Variants in MRPL1 observed in about 807,000 individuals in gnomAD.
MRPL1 encodes the protein mitochondrial ribosomal protein L1, also known as large ribosomal subunit protein uL1m.
MRPL1 carries 28 observed loss-of-function variants against 38.0 expected under a neutral mutation model. The observed-to-expected ratio is 0.74, with a 90% CI of 0.55 to 1.01. The LOEUF is 1.01. MRPL1 is among the 50% of genes least tolerant of loss of function. The probability of loss-of-function intolerance (pLI) is 0.00; values close to 1 mark genes in which losing one functional copy is unlikely to be tolerated. For synonymous variants in MRPL1, 123 were observed against 126.7 expected (o/e 0.97, Z 0.20); for missense variants, 358 against 389.8 (o/e 0.92, Z 0.69).
At chr4:77,919,853 G>A (rs918369728) in intron 7 of MRPL1, among the ~76,000 whole-genome samples, 1 of 151,650 alleles carries the variant, frequency 6.6e-6, no homozygotes, top group African/African-American at 2.4e-5. Context: ...ATATATATGT[G>A]TGTGTGTGTG....
At chr4:77,917,808 C>T (rs957842291) in intron 7 of MRPL1, among the ~76,000 whole-genome samples, 2 of 152,110 alleles carry the variant, frequency 1.3e-5, no homozygotes, top group Admixed American at 6.6e-5. Context: ...GTGATCCCAG[C>T]ACTTTCGGAA....
intron 7 of MRPL1, among the ~76,000 whole-genome samples, chr4:77,944,189 C>G (rs1199698423): frequency 6.6e-6 from 1 of 152,150 alleles, no homozygotes; most frequent in Non-Finnish European, 1.5e-5. Flanking sequence ...TTACCAGGCT[C>G]CAGGCTGGTA....
At chr4:77,924,944 A>T (rs1736677064) in intron 7 of MRPL1, among the ~76,000 whole-genome samples, 1 of 152,216 alleles carries the variant, frequency 6.6e-6, no homozygotes, top group Non-Finnish European at 1.5e-5. Flanking sequence ...CAGTATCTGC[A>T]TATGTTTTCT....
At chr4:77,945,235 C>T (rs561868941) in intron 7 of MRPL1, among the ~76,000 whole-genome samples, 4 of 151,056 alleles carry the variant, frequency 2.6e-5, no homozygotes, top group Admixed American at 2.6e-4. Flanking sequence ...TTGGTTTAGA[C>T]TGTTAGGAGT....
intron 4 of MRPL1, among the ~76,000 whole-genome samples, 195 bp downstream of exon 4, chr4:77,885,534 T>C (rs1156676049): frequency 2.0e-5 from 3 of 152,056 alleles, no homozygotes; most frequent in Admixed American, 2.0e-4. Context: ...GCCCAGCTAA[T>C]TTTTGTATTT....
intron 7 of MRPL1, among the ~76,000 whole-genome samples, chr4:77,937,010 G>A (rs1196265222): frequency 1.3e-5 from 2 of 151,944 alleles, no homozygotes; most frequent in Admixed American, 6.6e-5. Flanking sequence ...CTGTGGTCCT[G>A]GCTACTTGAG....
intron 2 of MRPL1, among the ~76,000 whole-genome samples, chr4:77,881,443 C>CTTTTT (rs760628841): frequency 7.5e-6 from 1 of 133,106 alleles, no homozygotes; most frequent in African/African-American, 2.8e-5. Context: ...TCAATATTTA[C>CTTTTT]TTTTTTTTTT....
chr4:77,909,259 T>C lies in MRPL1; in HGVS notation c.671-7T>C. On this transcript the variant is annotated splice_polypyrimidine_tract_variant and splice_region_variant and intron_variant, in intron 6 of 8. Transcript: ENST00000315567. ...TGATAATTGTGGATTTTACTTTTTC[T>C]AACTAGATTCCATTGGCCGTGACAT... 1 of 1,572,730 alleles carries C rather than the reference T, an allele frequency of 6.4e-7. No homozygotes were observed. The highest frequency in any genetic ancestry group is 8.7e-7 in the Non-Finnish European group (1 of 1,146,248).
chr4:77,883,237 T>C lies in MRPL1; in HGVS notation c.144-5T>C, dbSNP rs1735588717. 6.5e-7 allele frequency: 1 copy of C among 1,539,490 alleles called. No individual in the cohort carries two copies. Among genetic ancestry groups the C allele is most frequent in the African/African-American group, 1.4e-5 (1 of 71,266 alleles). On this transcript the variant is annotated splice_polypyrimidine_tract_variant and splice_region_variant and intron_variant, in intron 2 of 8. Transcript: ENST00000315567. ...TGATATAACTCAACTTTATTTTCTT[T>C]TAAGGTCTGCAAAGAAAACAAAAAA... is the stretch of plus-strand genomic sequence containing the variant.
intron 8 of MRPL1, 108 bp from the exon 9 acceptor site, chr4:77,952,381 G>A: frequency 1.3e-6 from 1 of 773,352 alleles, no homozygotes; most frequent in Non-Finnish European, 2.2e-6. Flanking sequence ...GCTTAAAGTT[G>A]CAGTTTCCAA....
At chr4:77,916,481 AT>A (rs536007666) in intron 7 of MRPL1, among the ~76,000 whole-genome samples, 85 of 152,250 alleles carry the variant, frequency 5.6e-4, no homozygotes, top group African/African-American at 2.0e-3. Flanking sequence ...TGGAATTTCT[AT>A]TTACAGTTTT....
intron 2 of MRPL1, among the ~76,000 whole-genome samples, chr4:77,873,409 C>T (rs951108013): frequency 6.6e-6 from 1 of 152,146 alleles, no homozygotes; most frequent in African/African-American, 2.4e-5. Flanking sequence ...ATCATTGGCT[C>T]TGGAGGATAG....
At chr4:77,895,717 A>C (rs184971801) in intron 6 of MRPL1, among the ~76,000 whole-genome samples, 2 of 152,194 alleles carry the variant, frequency 1.3e-5, no homozygotes, top group African/African-American at 4.8e-5. Context: ...TGGACTTTCC[A>C]GTTCTTTTGT....
chr4:77,918,203 G>A (rs888180245), intron 7 of MRPL1, among the ~76,000 whole-genome samples: 4 of 152,120 alleles, frequency 2.6e-5, no homozygotes, highest in Admixed American at 6.6e-5. Flanking sequence ...GTAGATAAAG[G>A]GTCGTTCGTA....
chr4:77,951,498 C>T (rs981396449), intron 8 of MRPL1, among the ~76,000 whole-genome samples: 10 of 152,180 alleles, frequency 6.6e-5, no homozygotes, highest in Admixed American at 2.6e-4. Context: ...CTATCTTCCC[C>T]TTCTTATAAT....
At chr4:77,886,880 C>G (rs536562710) in intron 4 of MRPL1, among the ~76,000 whole-genome samples, 7 of 151,362 alleles carry the variant, frequency 4.6e-5, no homozygotes, top group Non-Finnish European at 1.0e-4. Context: ...GCATCCTCCC[C>G]CTCCTGGGTT....
At chr4:77,889,338 C>T (rs1464392977) in intron 5 of MRPL1, among the ~76,000 whole-genome samples, 2 of 152,158 alleles carry the variant, frequency 1.3e-5, no homozygotes, top group Non-Finnish European at 2.9e-5. Context: ...CACTCAAAAC[C>T]GCTCAACTAC....
chr4:77,894,029 T>G (rs530039275), intron 5 of MRPL1, 110 bp from the exon 6 acceptor site: 197 of 677,424 alleles, frequency 2.9e-4, no homozygotes, highest in Non-Finnish European at 4.4e-4. Context: ...AAAAGAATTG[T>G]GCTTAATGTC....
chr4:77,941,001 G>A (rs746091484), intron 7 of MRPL1, among the ~76,000 whole-genome samples: 1 of 151,914 alleles, frequency 6.6e-6, no homozygotes, highest in Non-Finnish European at 1.5e-5. Context: ...CAATCCTAGC[G>A]GTGCCTGTAA....
Sources: gnomAD v4.1 joint callset for allele counts (sites outside exome capture counted in the v4.1 genomes callset) on GRCh38, gnomAD v4.1.1 for gene constraint, MANE v1.5 for transcripts, NCBI Gene and HGNC (gene_info 2026-07-23, HGNC 2026-07-21) for gene names.